The following M1AP variants were observed in gnomAD, a reference collection of about 807,000 sequenced individuals.
M1AP encodes meiosis 1 arrest protein.
A neutral mutation model predicts 51.2 loss-of-function variants in M1AP; 39 were observed. That is an observed-to-expected ratio of 0.76 (90% CI 0.59 to 1.00). The LOEUF (loss-of-function observed/expected upper bound fraction) is 1.00. Among genes scored for constraint, M1AP ranks in the 50% least tolerant of loss-of-function variants. M1AP has a pLI of 0.00. For synonymous variants in M1AP, 251 were observed against 249.2 expected, an observed-to-expected ratio of 1.01 and a Z score of -0.07; for missense variants, 545 against 641.2, an observed-to-expected ratio of 0.85 and a Z score of 1.62.
intron 7 of M1AP, among the ~76,000 whole-genome samples, chr2:74,567,658 C>T (rs1678475853): frequency 6.6e-6 from 1 of 152,212 alleles, no homozygotes. Context: ...AAAATGAAAA[C>T]TACATTTAAT....
chr2:74,574,697 C>A (rs1678947288), intron 7 of M1AP, among the ~76,000 whole-genome samples: 1 of 152,208 alleles, frequency 6.6e-6, no homozygotes, highest in African/African-American at 2.4e-5. Flanking sequence ...CATGATTTGA[C>A]CCCTGCTCAC....
intron 2 of M1AP, among the ~76,000 whole-genome samples, chr2:74,616,158 G>A (rs759426705): frequency 2.6e-5 from 4 of 152,112 alleles, no homozygotes; most frequent in South Asian, 2.1e-4. Flanking sequence ...AAAACTATCC[G>A]AGAAAGAAAT....
At chr2:74,636,847 A>T (rs1683014829) in intron 2 of M1AP, among the ~76,000 whole-genome samples, 1 of 152,084 alleles carries the variant, frequency 6.6e-6, no homozygotes. Context: ...TCAAAGTGCT[A>T]AGATTATAGG....
At chr2:74,561,130 G>GAGGAGGAGGAGA (rs1558643683) in intron 8 of M1AP, among the ~76,000 whole-genome samples, 74 of 94,818 alleles carry the variant, frequency 7.8e-4, no homozygotes, top group African/African-American at 2.4e-3. Flanking sequence ...GGAGGAGAAG[G>GAGGAGGAGGAGA]AGGAGGAGGA....
intron 4 of M1AP, among the ~76,000 whole-genome samples, chr2:74,605,775 C>T (rs943148134): frequency 1.3e-5 from 2 of 151,922 alleles, no homozygotes; most frequent in Non-Finnish European, 2.9e-5. Context: ...GTGGCGGGTG[C>T]CTGTAATCCC....
intron 4 of M1AP, among the ~76,000 whole-genome samples, chr2:74,597,693 CTG>C (rs1425133894): frequency 1.1e-4 from 16 of 152,280 alleles, no homozygotes; most frequent in African/African-American, 3.8e-4. Context: ...TTGTGTATGA[CTG>C]AGAGATGTAG....
At chr2:74,640,463 ATTTTTT>A in intron 1 of M1AP, 136 bp from the exon 2 acceptor site, 1 of 518,356 alleles carries the variant, frequency 1.9e-6, no homozygotes, top group Non-Finnish European at 3.2e-6. Flanking sequence ...AGGCCATCCT[ATTTTTT>A]TTTTTTTTTT....
chr2:74,591,293 T>C (rs1680022117), intron 4 of M1AP, among the ~76,000 whole-genome samples: 1 of 152,240 alleles, frequency 6.6e-6, no homozygotes, highest in African/African-American at 2.4e-5. Context: ...TTCATTTTAT[T>C]GGAAAAATGC....
chr2:74,639,683 AAG>A (rs1683181174), intron 2 of M1AP, among the ~76,000 whole-genome samples: 1 of 152,226 alleles, frequency 6.6e-6, no homozygotes, highest in Admixed American at 6.5e-5. Context: ...GAGACCTCAG[AAG>A]AGATTTAGAG....
At position 74,576,779 on chromosome 2, in the gene M1AP, G is replaced by A; in HGVS notation, c.770-161C>T. ...GGAGGAGGCAGGAGAGTGGAAAGAG[G>A]AAAGCCTGACTGGTTTGGAAAGGGA... is the stretch of plus-strand genomic sequence containing the variant. On this transcript the variant is annotated intron_variant, in intron 5 of 10. Transcript: ENST00000421985. The A allele has an allele frequency of 8.0e-6, 10 of 1,244,122 alleles. No homozygotes were observed. The South Asian group carries it at 1.6e-4, about 19-fold the overall frequency. 77.1% of individuals were successfully genotyped at this position (1,244,122 alleles called of 1,614,324 possible). A position where few individuals can be genotyped will look rare whatever the true frequency, so the allele number is the denominator to read the frequency against.
chr2:74,631,843 A>G (rs1162635966), intron 2 of M1AP, among the ~76,000 whole-genome samples: 1 of 152,184 alleles, frequency 6.6e-6, no homozygotes, highest in Non-Finnish European at 1.5e-5. Context: ...ATTATACTCA[A>G]AAATTAAATA....
chr2:74,568,423 G>A (rs1256412695), intron 7 of M1AP, among the ~76,000 whole-genome samples: 1 of 152,220 alleles, frequency 6.6e-6, no homozygotes, highest in African/African-American at 2.4e-5. Context: ...AGAGTCCGGA[G>A]AGATGAGGGA....
chr2:74,560,972 T>C (rs1234124487), intron 8 of M1AP, among the ~76,000 whole-genome samples: 2 of 151,566 alleles, frequency 1.3e-5, no homozygotes, highest in Non-Finnish European at 2.9e-5. Context: ...CCTCCCACTC[T>C]TAGCCTGGGG....
At chr2:74,588,011 C>A (rs1350658184) in intron 4 of M1AP, among the ~76,000 whole-genome samples, 1 of 152,178 alleles carries the variant, frequency 6.6e-6, no homozygotes, top group African/African-American at 2.4e-5. Flanking sequence ...CGTGCATATA[C>A]AATGTCTGTA....
intron 3 of M1AP, among the ~76,000 whole-genome samples, chr2:74,611,461 C>T (rs545282336): frequency 1.8e-4 from 28 of 152,212 alleles, no homozygotes; most frequent in African/African-American, 6.7e-4. Flanking sequence ...AATTTGTTGA[C>T]ATATAGTTCT....
intron 3 of M1AP, among the ~76,000 whole-genome samples, chr2:74,610,940 T>C (rs1374351024): frequency 6.6e-6 from 1 of 152,236 alleles, no homozygotes; most frequent in African/African-American, 2.4e-5. Context: ...ATGGTTTATG[T>C]CCTTCATTCT....
intron 3 of M1AP, among the ~76,000 whole-genome samples, chr2:74,612,407 A>G (rs1373380064): frequency 6.6e-6 from 1 of 151,870 alleles, no homozygotes; most frequent in African/African-American, 2.4e-5. Flanking sequence ...TTTTGTAGAG[A>G]TGGGATCTCA....
intron 4 of M1AP, among the ~76,000 whole-genome samples, chr2:74,590,051 G>A (rs953274829): frequency 3.3e-5 from 5 of 152,208 alleles, no homozygotes; most frequent in Non-Finnish European, 7.3e-5. Context: ...TGCAGCCTGC[G>A]GGAAGCAGGT....
intron 1 of M1AP, among the ~76,000 whole-genome samples, chr2:74,642,132 C>T (rs1683331802): frequency 6.6e-6 from 1 of 151,976 alleles, no homozygotes; most frequent in Admixed American, 6.6e-5. Flanking sequence ...ACCTGGCCTC[C>T]TCAATTAATT....
Sources: gnomAD v4.1 joint callset for allele counts (sites outside exome capture counted in the v4.1 genomes callset) on GRCh38, gnomAD v4.1.1 for gene constraint, MANE v1.5 for transcripts, NCBI Gene and HGNC (gene_info 2026-07-23, HGNC 2026-07-21) for gene names.